DOCK2: variants seen among roughly 807,000 people sequenced by gnomAD.
DOCK2 encodes dedicator of cytokinesis protein 2.
In DOCK2, 87 loss-of-function variants were observed where a neutral mutation model predicts 248.9. That is an observed-to-expected ratio of 0.35 (90% confidence interval 0.29 to 0.42). The LOEUF (loss-of-function observed/expected upper bound fraction) is 0.42, where lower values mean the gene tolerates loss of function less well. Ranked by LOEUF, DOCK2 falls within the 10% of genes least tolerant of loss-of-function variation. DOCK2 has a pLI of 1.00. For missense variants in DOCK2, 1,747 were observed against 2,300.2 expected, an observed-to-expected ratio of 0.76 and a Z score of 4.92; for synonymous variants, 805 against 821.6, an observed-to-expected ratio of 0.98 and a Z score of 0.35.
intron 8 of DOCK2, among the ~76,000 whole-genome samples, chr5:169,687,509 T>G (rs1236255690): frequency 6.7e-6 from 1 of 148,740 alleles, no homozygotes; most frequent in Non-Finnish European, 1.5e-5. Flanking sequence ...CCCTTTAATT[T>G]TGCTGAATCC....
intron 27 of DOCK2, among the ~76,000 whole-genome samples, chr5:169,865,385 T>C (rs1260410072): frequency 6.6e-6 from 1 of 152,172 alleles, no homozygotes; most frequent in Non-Finnish European, 1.5e-5. Flanking sequence ...CTGTGACCTC[T>C]GCATGTCTGG....
chr5:170,006,741 AC>A (rs1400541966), intron 30 of DOCK2, among the ~76,000 whole-genome samples: 1 of 152,202 alleles, frequency 6.6e-6, no homozygotes, highest in East Asian at 1.9e-4. Context: ...CTGTGTAACC[AC>A]TGCTCTGTCA....
intron 8 of DOCK2, among the ~76,000 whole-genome samples, chr5:169,689,001 C>T (rs1393810790): frequency 5.9e-5 from 9 of 152,154 alleles, no homozygotes; most frequent in Admixed American, 5.9e-4. Context: ...CCAGAATTTG[C>T]TTAGCAGATG....
intron 36 of DOCK2, among the ~76,000 whole-genome samples, chr5:170,036,904 G>T (rs6864100): frequency 6.6e-6 from 1 of 152,102 alleles, no homozygotes; most frequent in Non-Finnish European, 1.5e-5. Context: ...GTCCAGACAT[G>T]TAGTAAGACC....
intron 26 of DOCK2, among the ~76,000 whole-genome samples, chr5:169,820,078 C>T (rs1236546839): frequency 3.9e-5 from 6 of 152,184 alleles, no homozygotes; most frequent in Non-Finnish European, 8.8e-5. Context: ...GGTGGAGGGG[C>T]GCCCGCCATA....
chr5:169,930,279 C>T (rs536067811), intron 27 of DOCK2, among the ~76,000 whole-genome samples: 6 of 152,234 alleles, frequency 3.9e-5, no homozygotes, highest in African/African-American at 1.2e-4. Context: ...CTTGAGCCAC[C>T]GCACCTGGCC....
At chr5:170,038,857 G>A (rs7715478) in intron 36 of DOCK2, among the ~76,000 whole-genome samples, 81,036 of 151,996 alleles carry the variant, frequency 0.53, 21,984 homozygotes, top group East Asian at 0.61. Flanking sequence ...GCTCTCCCCA[G>A]GTTTTTTGAA....
chr5:169,718,688 G>A lies in DOCK2; in HGVS notation c.2164G>A (p.Asp722Asn). 1.2e-6 allele frequency: 2 copies of A among 1,613,640 alleles called. No homozygotes were observed. The highest frequency in any genetic ancestry group is 1.7e-6 in the Non-Finnish European group (2 of 1,179,704). The change falls in exon 22 of 52, where the codon GAT (aspartate) becomes AAT (asparagine). Residue 722 changes from aspartate to asparagine, a missense_variant. This residue lies in a region of DOCK2 where 858 missense variants were observed against 1,183.5 expected (regional missense o/e 0.72). Coordinates refer to ENST00000520908, the MANE Select transcript of DOCK2 (RefSeq NM_004946.3). ...GATGACAGTGCTGAAGACTTACTTG[G>A]ATACCTCCAGCAGAGGGGAGCAATG... ...KLMTVLKTYLDTSSRGEQCEP... is the reference protein window; with the variant it reads ...KLMTVLKTYLNTSSRGEQCEP...
intron 27 of DOCK2, among the ~76,000 whole-genome samples, chr5:169,896,200 C>T (rs1209813838): frequency 6.6e-6 from 1 of 152,138 alleles, no homozygotes; most frequent in Non-Finnish European, 1.5e-5. Flanking sequence ...AGGCAGTCAG[C>T]AGTGAGCAAC....
At chr5:169,712,632 T>TGATCCTGATCCTGCTGCTGACTAA (rs566561489) in intron 17 of DOCK2, among the ~76,000 whole-genome samples, 45 of 152,334 alleles carry the variant, frequency 3.0e-4, no homozygotes, top group African/African-American at 1.0e-3. Flanking sequence ...TATTAAAACC[T>TGATCCTGATCCTGCTGCTGACTAA]GCAGTCCTGA....
intron 22 of DOCK2, among the ~76,000 whole-genome samples, chr5:169,733,616 GACTTA>G (rs1423261506): frequency 6.6e-6 from 1 of 151,874 alleles, no homozygotes; most frequent in Non-Finnish European, 1.5e-5. Context: ...TAATCTTGTA[GACTTA>G]ACTTTAAGAA....
At chr5:169,949,971 A>G (rs1776594648) in intron 27 of DOCK2, among the ~76,000 whole-genome samples, 1 of 152,266 alleles carries the variant, frequency 6.6e-6, no homozygotes, top group African/African-American at 2.4e-5. Context: ...CAGGATTCAC[A>G]TTTACCAGAA....
chr5:169,853,162 G>GTACA (rs1770703302), intron 27 of DOCK2, among the ~76,000 whole-genome samples: 1 of 152,238 alleles, frequency 6.6e-6, no homozygotes, highest in African/African-American at 2.4e-5. Context: ...CATGTGAGAT[G>GTACA]TGCCTTTTAT....
intron 27 of DOCK2, among the ~76,000 whole-genome samples, chr5:169,928,638 T>C (rs1775593945): frequency 6.6e-6 from 1 of 152,122 alleles, no homozygotes. Flanking sequence ...AGACAAACTT[T>C]TAAAAGAGGC....
chr5:170,033,236 C>G (rs759839889), intron 34 of DOCK2, among the ~76,000 whole-genome samples: 6 of 152,190 alleles, frequency 3.9e-5, no homozygotes, highest in Admixed American at 6.5e-5. Context: ...GGCTGCCAGA[C>G]AGTAGGTGTG....
chr5:169,821,461 A>G (rs1045230838), intron 26 of DOCK2, among the ~76,000 whole-genome samples: 1 of 152,202 alleles, frequency 6.6e-6, no homozygotes, highest in African/African-American at 2.4e-5. Context: ...GTGGGGGCCA[A>G]TATTCAACAT....
intron 27 of DOCK2, among the ~76,000 whole-genome samples, chr5:169,867,649 TACC>T: frequency 1.3e-5 from 2 of 151,906 alleles, no homozygotes; most frequent in African/African-American, 4.8e-5. Flanking sequence ...TCTATCTATC[TACC>T]TCTAGCATCT....
intron 34 of DOCK2, among the ~76,000 whole-genome samples, chr5:170,029,719 T>G (rs1462238860): frequency 6.6e-6 from 1 of 152,218 alleles, no homozygotes. Flanking sequence ...AAGTGCATAT[T>G]CTCTGATTTC....
intron 41 of DOCK2, 37 bp downstream of exon 41, chr5:170,050,434 C>A: frequency 6.3e-7 from 1 of 1,593,494 alleles, no homozygotes; most frequent in African/African-American, 1.4e-5. Flanking sequence ...GGGGCCAGAC[C>A]TGAGCAGCCC....
Sources: gnomAD v4.1 joint callset for allele counts (sites outside exome capture counted in the v4.1 genomes callset) on GRCh38, gnomAD v4.1.1 for gene constraint, gnomAD v4.1.1 regional missense constraint, MANE v1.5 for transcripts, NCBI Gene and HGNC (gene_info 2026-07-23, HGNC 2026-07-21) for gene names.